The following MYH13 variants were observed in gnomAD, a reference collection of about 807,000 sequenced individuals.
MYH13 encodes myosin heavy chain 13, also known as myosin-13.
A neutral mutation model predicts 232.1 loss-of-function variants in MYH13; 177 were observed. The ratio of observed to expected loss-of-function variants is 0.76; its 90% CI spans 0.67 to 0.86. The LOEUF is 0.86. MYH13 is among the 40% of genes least tolerant of loss of function. The pLI is 0.00. For synonymous variants in MYH13, 884 were observed against 923.5 expected, an observed-to-expected ratio of 0.96 and a Z score of 0.78; for missense variants, 2,246 against 2,405.9, an observed-to-expected ratio of 0.93 and a Z score of 1.39.
At chr17:10,324,299 C>T (rs1472633251) in intron 22 of MYH13, 35 bp from the exon 23 acceptor site, 4 of 1,609,158 alleles carry the variant, frequency 2.5e-6, no homozygotes, top group Middle Eastern at 1.7e-4. Flanking sequence ...TTTTGATTGG[C>T]CTCTTTGAAA....
At position 10,320,482 on chromosome 17, in the gene MYH13, TAAGGAACCCTC is replaced by T; in HGVS notation, c.3115_3125del (p.Glu1039ArgfsTer34). ...CCGCCCGCAGTTTCTTCTCCTGCTCTAAGGAACCCTCAAGCTGAGAAGACACACAGGTAGAA... is the reference window on the plus strand; with the variant it reads ...CCGCCCGCAGTTTCTTCTCCTGCTCTAAGCTGAGAAGACACACAGGTAGAA... On this transcript the variant is annotated frameshift_variant, in exon 25 of 41. Coordinates refer to ENST00000252172, the MANE Select transcript of MYH13 (RefSeq NM_003802.3). LOFTEE classifies it high-confidence loss of function. 1 of 1,612,922 alleles carries T rather than the reference TAAGGAACCCTC, an allele frequency of 6.2e-7. No homozygotes were observed. Among genetic ancestry groups the T allele is most frequent in the South Asian group, 1.1e-5 (1 of 90,638 alleles).
chr17:10,358,386 G>C (rs146841313), intron 7 of MYH13, among the ~76,000 whole-genome samples: 39 of 152,254 alleles, frequency 2.6e-4, no homozygotes, highest in Non-Finnish European at 4.9e-4. Flanking sequence ...TCTGGGTCCA[G>C]AGCAATTTAG....
intron 18 of MYH13, among the ~76,000 whole-genome samples, 194 bp from the exon 19 acceptor site, chr17:10,333,385 C>T (rs749014519): frequency 5.9e-5 from 9 of 152,192 alleles, no homozygotes; most frequent in African/African-American, 9.7e-5. Flanking sequence ...GAAATAATCC[C>T]ACCCTCTTGG....
At chr17:10,323,764 CAAAAAAA>C (rs756659634) in intron 23 of MYH13, among the ~76,000 whole-genome samples, 72 of 90,214 alleles carry the variant, frequency 8.0e-4, no homozygotes, top group Middle Eastern at 7.8e-3. Context: ...CTCCATCTCA[CAAAAAAA>C]AAAAAAAAAA....
chr17:10,351,836 G>C (rs1326306331), intron 11 of MYH13, among the ~76,000 whole-genome samples: 1 of 152,206 alleles, frequency 6.6e-6, no homozygotes, highest in African/African-American at 2.4e-5. Flanking sequence ...GCCTGAGCCT[G>C]TAGAGTGTCC....
Position 10,303,301 on chromosome 17 carries a change from G to C in MYH13, c.5572-10C>G, listed in dbSNP as rs754784056. On this transcript the variant is annotated splice_polypyrimidine_tract_variant and intron_variant, in intron 38 of 40. Coordinates refer to ENST00000252172, the MANE Select transcript of MYH13 (RefSeq NM_003802.3). ...TGTGGTCCTCCTCAGCCTGCAAACA[G>C]AGTACACGTGGCAGGGGCCCGCAAA... The C allele has an allele frequency of 1.9e-6, 3 of 1,614,070 alleles. No individual in the cohort carries two copies. In the Admixed American group the frequency reaches 5.0e-5, roughly 27 times the overall value.
intron 18 of MYH13, among the ~76,000 whole-genome samples, chr17:10,335,615 G>A (rs1253187174): frequency 6.6e-6 from 1 of 152,090 alleles, no homozygotes; most frequent in Non-Finnish European, 1.5e-5. Context: ...GTAGCTGGGT[G>A]TGGTGGTGCG....
At chr17:10,322,478 C>T (rs189772043) in intron 23 of MYH13, among the ~76,000 whole-genome samples, 13 of 152,136 alleles carry the variant, frequency 8.5e-5, no homozygotes, top group East Asian at 5.8e-4. Context: ...GCACCCAACA[C>T]GGAACTTGAA....
chr17:10,325,865 G>A (rs1232827501), intron 22 of MYH13, among the ~76,000 whole-genome samples: 1 of 152,040 alleles, frequency 6.6e-6, no homozygotes, highest in South Asian at 2.1e-4. Context: ...TTAGAAGAGA[G>A]GGGGTTTCAC....
chr17:10,309,514 G>A lies in MYH13; in HGVS notation c.4965+8C>T, dbSNP rs1298176365. The A allele has an allele frequency of 1.9e-6, 3 of 1,603,496 alleles. No homozygotes were observed. The highest frequency in any genetic ancestry group is 2.2e-5 in the East Asian group (1 of 44,678). On this transcript the variant is annotated splice_region_variant and intron_variant, in intron 34 of 40. Coordinates refer to ENST00000252172, the MANE Select transcript of MYH13 (RefSeq NM_003802.3). ...GTCCAGGTACGCAGAGGCGGCCACC[G>A]TGCTCACCTTGAGCTGGCCCTGGAC...
chr17:10,359,979 G>A lies in MYH13; in HGVS notation c.626C>T (p.Thr209Ile), dbSNP rs766166284. Residue 209 changes from threonine (T) to isoleucine (I), a missense_variant, in exon 7 of 41, where the codon ACA becomes ATA. Transcript: ENST00000252172. Reference sequence around the variant, plus strand: ...GCTCACCTGCATTTTGCCTGGCTGTGTCTCCTTCTTCTTGTCCCCGGTAAC... The same window carrying A: ...GCTCACCTGCATTTTGCCTGGCTGTATCTCCTTCTTCTTGTCCCCGGTAAC... ...IAVTGDKKKE[T>I]QPGKMQGTLE... 1.2e-6 allele frequency: 2 copies of A among 1,613,826 alleles called. No homozygotes were observed. The highest frequency in any genetic ancestry group is 1.1e-5 in the South Asian group (1 of 91,064).
chr17:10,340,052 G>T, intron 18 of MYH13, 98 bp downstream of exon 18: 1 of 1,020,932 alleles, frequency 9.8e-7, no homozygotes, highest in Non-Finnish European at 1.5e-6. Context: ...AAGTGATACA[G>T]ACCATCACTC....
chr17:10,343,700 C>T, intron 16 of MYH13, 100 bp downstream of exon 16: 2 of 1,282,818 alleles, frequency 1.6e-6, no homozygotes, highest in Non-Finnish European at 2.1e-6. Context: ...TCATACTCAG[C>T]TGAAGCTCAT....
chr17:10,357,674 C>T, intron 8 of MYH13, 61 bp downstream of exon 8: 2 of 1,498,968 alleles, frequency 1.3e-6, no homozygotes, highest in South Asian at 2.3e-5. Context: ...TTTTTCATAT[C>T]CAGCATTTCA....
chr17:10,309,530 G>A lies in MYH13; in HGVS notation c.4957C>T (p.Gln1653Ter), dbSNP rs377429569. Residue 1653 changes from glutamine (Q) to a stop codon, truncating the protein, a stop_gained, in exon 34 of 41, where the codon CAG (glutamine) becomes TAG (stop). Transcript: ENST00000252172. LOFTEE classifies it high-confidence loss of function. ...GCGGCCACCGTGCTCACCTTGAGCTGGCCCTGGACCGTGCGCAGATGCTTC... is the reference window on the plus strand; with the variant it reads ...GCGGCCACCGTGCTCACCTTGAGCTAGCCCTGGACCGTGCGCAGATGCTTC... ...TQKHLRTVQG[Q>*]LKDSQLHLDD... is the part of the protein sequence containing the mutation. 1.9e-6 allele frequency: 3 copies of A among 1,607,892 alleles called. No individual in the cohort carries two copies. Among genetic ancestry groups the A allele is most frequent in the Non-Finnish European group, 2.5e-6 (3 of 1,176,690 alleles).
At chr17:10,355,170 A>G in intron 8 of MYH13, 23 bp from the exon 9 acceptor site, 13 of 1,557,494 alleles carry the variant, frequency 8.3e-6, no homozygotes, top group Non-Finnish European at 1.1e-5. Flanking sequence ...AGGTGGACAA[A>G]TGTTACGGTT....
intron 23 of MYH13, among the ~76,000 whole-genome samples, chr17:10,322,757 C>G (rs1451765276): frequency 6.6e-6 from 1 of 151,524 alleles, no homozygotes; most frequent in Non-Finnish European, 1.5e-5. Flanking sequence ...CCTCAGCCTC[C>G]TGAGTAGCTG....
chr17:10,317,353 GA>G (rs1343715409), intron 27 of MYH13: 5 of 152,664 alleles, frequency 3.3e-5, no homozygotes, highest in African/African-American at 9.7e-5. Flanking sequence ...TCATCAGCCG[GA>G]GCCAGAGGCT....
intron 2 of MYH13, among the ~76,000 whole-genome samples, chr17:10,367,205 A>G (rs560653262): frequency 6.6e-6 from 1 of 152,358 alleles, no homozygotes; most frequent in East Asian, 1.9e-4. Context: ...TTAAAACTAA[A>G]TGACTGAAAG....
Sources: allele counts gnomAD v4.1 joint callset (sites outside exome capture counted in the v4.1 genomes callset), GRCh38; gene constraint gnomAD v4.1.1; transcripts MANE v1.5; gene names NCBI Gene and HGNC (gene_info 2026-07-23, HGNC 2026-07-21).